The following SGCZ variants were observed in gnomAD, a reference collection of about 807,000 sequenced individuals.
The protein encoded by SGCZ is zeta-sarcoglycan.
SGCZ carries 40 observed loss-of-function variants against 41.3 expected under a neutral mutation model. The ratio of observed to expected loss-of-function variants is 0.97; its 90% CI spans 0.75 to 1.26. The LOEUF (loss-of-function observed/expected upper bound fraction) is 1.26. SGCZ is among the 50% of genes most tolerant of loss of function. The pLI, the probability that SGCZ is intolerant of heterozygous loss-of-function variation, is 0.00. For missense variants in SGCZ, 552 were observed against 369.8 expected (o/e 1.49, Z -4.04); for synonymous variants, 206 against 137.5 (o/e 1.50, Z -3.49).
chr8:14,331,644 A>G (rs1479690233), intron 2 of SGCZ, among the ~76,000 whole-genome samples: 6 of 151,848 alleles, frequency 4.0e-5, no homozygotes, highest in Admixed American at 1.3e-4. Flanking sequence ...TGTTAATAAT[A>G]TAACTTTTAC....
At chr8:14,605,040 T>C (rs1314250873) in intron 1 of SGCZ, among the ~76,000 whole-genome samples, 1 of 152,192 alleles carries the variant, frequency 6.6e-6, no homozygotes, top group Non-Finnish European at 1.5e-5. Flanking sequence ...CTAATCTCAG[T>C]AATTTGAGTC....
chr8:14,253,243 GGTGTGTGTGTGT>G (rs10681510), intron 3 of SGCZ, among the ~76,000 whole-genome samples: 12 of 148,948 alleles, frequency 8.1e-5, no homozygotes, highest in Non-Finnish European at 1.8e-4. Flanking sequence ...TTGTGTGTAG[GGTGTGTGTGTGT>G]GTGTGTGTGT....
chr8:14,452,375 C>A (rs562115090), intron 2 of SGCZ, among the ~76,000 whole-genome samples: 4 of 151,998 alleles, frequency 2.6e-5, no homozygotes, highest in Middle Eastern at 3.4e-3. Flanking sequence ...GATATCGTAA[C>A]GGTGGATACA....
rs1180991315 is a variant in SGCZ at position 15,125,681 on chromosome 8, T to A, written c.39+111904A>T. Among the ~76,000 whole-genome samples the A allele has an allele frequency of 3.9e-5, 6 of 152,194 alleles. No individual in the cohort carries two copies. In the East Asian group the frequency reaches 1.2e-3, roughly 29 times the overall value. ...GTTATGTAAAAATAATACTGATATATGTACTTTATAAACTCATGTTTTATA... is the reference window on the plus strand; with the variant it reads ...GTTATGTAAAAATAATACTGATATAAGTACTTTATAAACTCATGTTTTATA... On this transcript the variant is annotated intron_variant, in intron 1 of 7. Coordinates refer to ENST00000382080, the MANE Select transcript of SGCZ (RefSeq NM_139167.4).
chr8:14,222,146 T>TTTG (rs1378499144), intron 4 of SGCZ, among the ~76,000 whole-genome samples: 1 of 152,048 alleles, frequency 6.6e-6, no homozygotes, highest in Non-Finnish European at 1.5e-5. Flanking sequence ...ACTTCAGGTT[T>TTTG]TTGTTGTTGT....
chr8:14,380,722 C>T (rs1332450550), intron 2 of SGCZ, among the ~76,000 whole-genome samples: 1 of 152,018 alleles, frequency 6.6e-6, no homozygotes, highest in East Asian at 1.9e-4. Flanking sequence ...CATGGTGGTG[C>T]GTATCTGCAG....
At chr8:14,839,286 C>T (rs1337791306) in intron 1 of SGCZ, among the ~76,000 whole-genome samples, 1 of 152,072 alleles carries the variant, frequency 6.6e-6, no homozygotes, top group Non-Finnish European at 1.5e-5. Context: ...AGTGTTTACG[C>T]AATGAGTAGC....
chr8:14,378,391 A>C (rs1242154232), intron 2 of SGCZ, among the ~76,000 whole-genome samples: 4 of 152,172 alleles, frequency 2.6e-5, no homozygotes, highest in African/African-American at 9.7e-5. Flanking sequence ...TGTCTAAAAC[A>C]CCAAAAGCAA....
intron 1 of SGCZ, among the ~76,000 whole-genome samples, chr8:14,854,592 C>G (rs751695489): frequency 6.6e-6 from 1 of 151,852 alleles, no homozygotes; most frequent in Admixed American, 6.6e-5. Flanking sequence ...CAATAGTCAT[C>G]GTAGATATGA....
intron 1 of SGCZ, among the ~76,000 whole-genome samples, chr8:15,100,642 A>C (rs578101837): frequency 2.0e-5 from 3 of 152,320 alleles, no homozygotes; most frequent in African/African-American, 7.2e-5. Flanking sequence ...TAGCCAACAC[A>C]ATACTGAAGG....
chr8:14,164,635 CAG>C lies in SGCZ; in HGVS notation c.490_491del (p.Leu164ValfsTer5). 6.2e-7 allele frequency: 1 copy of C among 1,613,638 alleles called. No individual in the cohort carries two copies. Among genetic ancestry groups the C allele is most frequent in the Non-Finnish European group, 8.5e-7 (1 of 1,179,720 alleles). On this transcript the variant is annotated frameshift_variant, in exon 5 of 8. Transcript: ENST00000382080. LOFTEE classifies it high-confidence loss of function. ...TAATCTCATCTTCATCTGCAGAAAA[CAG>C]CACCCTGCCATCTTCACTGGCTCTC... ...EVRASEDGRV[L>X]FSADEDEITI...
chr8:15,100,697 T>G (rs1217441535), intron 1 of SGCZ, among the ~76,000 whole-genome samples: 3 of 152,212 alleles, frequency 2.0e-5, no homozygotes, highest in Non-Finnish European at 4.4e-5. Flanking sequence ...CAAGACTTAC[T>G]GTAGGCCAAA....
chr8:14,823,496 G>A (rs1487315104), intron 1 of SGCZ, among the ~76,000 whole-genome samples: 4 of 152,056 alleles, frequency 2.6e-5, no homozygotes, highest in East Asian at 1.9e-4. Flanking sequence ...ATTTCTAATC[G>A]TCAAGCAACT....
chr8:15,151,419 A>C (rs1465670904), intron 1 of SGCZ, among the ~76,000 whole-genome samples: 2 of 152,274 alleles, frequency 1.3e-5, no homozygotes, highest in Admixed American at 1.3e-4. Context: ...TATTGAAATA[A>C]TGATATGTTC....
At chr8:14,217,303 A>G in intron 4 of SGCZ, among the ~76,000 whole-genome samples, 1 of 151,132 alleles carries the variant, frequency 6.6e-6, no homozygotes, top group East Asian at 2.0e-4. Flanking sequence ...CTCAAAAAAA[A>G]AAAAAAAAAA....
At chr8:14,581,139 G>A (rs550190223) in intron 1 of SGCZ, among the ~76,000 whole-genome samples, 5 of 151,990 alleles carry the variant, frequency 3.3e-5, no homozygotes, top group African/African-American at 9.7e-5. Context: ...ACAGTGTCTC[G>A]TTCTGTCACC....
chr8:15,019,438 C>T (rs1803167727), intron 1 of SGCZ, among the ~76,000 whole-genome samples: 1 of 152,146 alleles, frequency 6.6e-6, no homozygotes, highest in Non-Finnish European at 1.5e-5. Flanking sequence ...GATGGATTCA[C>T]ATTTCCAAAT....
chr8:14,182,011 G>T (rs1374005659), intron 4 of SGCZ, among the ~76,000 whole-genome samples: 1 of 152,090 alleles, frequency 6.6e-6, no homozygotes, highest in Non-Finnish European at 1.5e-5. Flanking sequence ...TTGGAGATAT[G>T]TTTTACTAGC....
At chr8:15,160,252 G>A (rs1050767794) in intron 1 of SGCZ, among the ~76,000 whole-genome samples, 1 of 152,152 alleles carries the variant, frequency 6.6e-6, no homozygotes, top group Non-Finnish European at 1.5e-5. Flanking sequence ...ATTTCACTCA[G>A]AATAATGTCC....
Sources: allele counts gnomAD v4.1 joint callset (sites outside exome capture counted in the v4.1 genomes callset), GRCh38; gene constraint gnomAD v4.1.1; transcripts MANE v1.5; gene names NCBI Gene and HGNC (gene_info 2026-07-23, HGNC 2026-07-21).